The following NEGR1 variants were observed in gnomAD, a reference collection of about 807,000 sequenced individuals.
NEGR1 encodes the protein IgLON family member 4.
In NEGR1, 10 loss-of-function variants were observed where a neutral mutation model predicts 40.9. The ratio of observed to expected loss-of-function variants is 0.24; its 90% CI spans 0.15 to 0.42. The LOEUF (loss-of-function observed/expected upper bound fraction) is 0.42. Among genes scored for constraint, NEGR1 ranks in the 10% least tolerant of loss-of-function variants. The pLI, the probability that NEGR1 is intolerant of heterozygous loss-of-function variation, is 1.00. For missense variants in NEGR1, 352 were observed against 438.9 expected (o/e 0.80, Z 1.77); for synonymous variants, 185 against 166.8 (o/e 1.11, Z -0.84).
intron 1 of NEGR1, among the ~76,000 whole-genome samples, chr1:72,060,393 C>T (rs2100492463): frequency 6.6e-6 from 1 of 151,702 alleles, no homozygotes; most frequent in Middle Eastern, 3.4e-3. Flanking sequence ...ATTGATGAAC[C>T]TTAGCTGTAT....
In NEGR1 at chr1:72,209,977, A is replaced by T. The variant is rs577290373; in HGVS notation, c.176+72342T>A. Among the ~76,000 whole-genome samples the T allele has an allele frequency of 1.2e-4, 18 of 151,984 alleles. No individual in the cohort carries two copies. The South Asian group carries it at 2.9e-3, about 25-fold the overall frequency. ...TTTCATATTTATTGAATTGCATTTG[A>T]TTTTTTAGACTCATTATTCACTTGT... On this transcript the variant is annotated intron_variant, in intron 1 of 6. Transcript: ENST00000357731.
chr1:71,929,761 T>C (rs1232181124), intron 2 of NEGR1, among the ~76,000 whole-genome samples: 1 of 152,032 alleles, frequency 6.6e-6, no homozygotes, highest in Non-Finnish European at 1.5e-5. Flanking sequence ...TTTGGTCTTT[T>C]GGGAAAAGCA....
chr1:72,045,570 C>T (rs918117138), intron 1 of NEGR1, among the ~76,000 whole-genome samples: 1 of 151,686 alleles, frequency 6.6e-6, no homozygotes, highest in East Asian at 1.9e-4. Flanking sequence ...TCTCTTTTTG[C>T]CTGGTGCCAT....
At chr1:71,686,037 CT>C (rs11336336) in intron 4 of NEGR1, among the ~76,000 whole-genome samples, 148,879 of 151,422 alleles carry the variant, frequency 0.98, 73,228 homozygotes, top group Middle Eastern at 1. Flanking sequence ...GACTCATAGA[CT>C]TTTTTTTTTC....
chr1:71,565,021 T>C (rs1231322571), intron 6 of NEGR1, among the ~76,000 whole-genome samples: 1 of 152,028 alleles, frequency 6.6e-6, no homozygotes, highest in African/African-American at 2.4e-5. Context: ...GTACACAAAT[T>C]TTGCATGATA....
At chr1:71,487,669 G>T (rs1017399786) in intron 6 of NEGR1, among the ~76,000 whole-genome samples, 4 of 151,688 alleles carry the variant, frequency 2.6e-5, no homozygotes, top group African/African-American at 9.7e-5. Flanking sequence ...AGCTATGAAT[G>T]ATGAAGATTT....
At chr1:71,606,699 G>A (rs955565981) in intron 5 of NEGR1, among the ~76,000 whole-genome samples, 1 of 151,652 alleles carries the variant, frequency 6.6e-6, no homozygotes, top group Non-Finnish European at 1.5e-5. Flanking sequence ...ATTTCACAGA[G>A]GTCTGAACAG....
intron 2 of NEGR1, among the ~76,000 whole-genome samples, chr1:71,896,797 G>T (rs1321309110): frequency 6.6e-6 from 1 of 152,072 alleles, no homozygotes; most frequent in Non-Finnish European, 1.5e-5. Context: ...AACATTTGTT[G>T]AAAAGGCTAT....
chr1:71,586,418 T>C (rs1208586112), intron 6 of NEGR1, among the ~76,000 whole-genome samples: 1 of 152,202 alleles, frequency 6.6e-6, no homozygotes, highest in Non-Finnish European at 1.5e-5. Flanking sequence ...CAGTTTTATC[T>C]TTGTTATACA....
chr1:72,007,974 G>A (rs1646622838), intron 1 of NEGR1, among the ~76,000 whole-genome samples: 1 of 152,064 alleles, frequency 6.6e-6, no homozygotes, highest in African/African-American at 2.4e-5. Context: ...AGTATTAGAA[G>A]ACATATAATA....
intron 2 of NEGR1, among the ~76,000 whole-genome samples, chr1:71,807,420 C>A (rs960172493): frequency 6.6e-6 from 1 of 151,884 alleles, no homozygotes; most frequent in African/African-American, 2.4e-5. Flanking sequence ...CAATAAAACA[C>A]CCTGTGAAAA....
intron 6 of NEGR1, among the ~76,000 whole-genome samples, chr1:71,418,315 TTA>T (rs1646370107): frequency 6.6e-6 from 1 of 151,004 alleles, no homozygotes. Context: ...TATTTATTTA[TTA>T]TATATATATT....
chr1:71,714,671 G>A (rs1440282179), intron 3 of NEGR1, among the ~76,000 whole-genome samples: 1 of 152,168 alleles, frequency 6.6e-6, no homozygotes, highest in Non-Finnish European at 1.5e-5. Flanking sequence ...AAACCTTAAA[G>A]TTCCAAAATG....
intron 2 of NEGR1, among the ~76,000 whole-genome samples, chr1:71,930,492 C>T (rs1228916166): frequency 1.3e-5 from 2 of 152,088 alleles, no homozygotes; most frequent in Admixed American, 6.6e-5. Context: ...TGACTGCATC[C>T]TACTCTTCTC....
intron 1 of NEGR1, among the ~76,000 whole-genome samples, chr1:72,109,965 C>G (rs941840709): frequency 6.6e-6 from 1 of 151,460 alleles, no homozygotes; most frequent in Non-Finnish European, 1.5e-5. Flanking sequence ...CACAGCTGTT[C>G]CTATTTAGGA....
chr1:72,183,885 T>C (rs1195711399), intron 1 of NEGR1, among the ~76,000 whole-genome samples: 1 of 152,066 alleles, frequency 6.6e-6, no homozygotes, highest in Non-Finnish European at 1.5e-5. Flanking sequence ...AATATTTTTT[T>C]AATGGAAAAT....
intron 1 of NEGR1, among the ~76,000 whole-genome samples, chr1:72,154,516 C>T (rs753245150): frequency 6.6e-6 from 1 of 151,802 alleles, no homozygotes; most frequent in Non-Finnish European, 1.5e-5. Context: ...TGAATGAGAA[C>T]GATTCTAGGA....
At chr1:72,138,013 A>C (rs905742401) in intron 1 of NEGR1, among the ~76,000 whole-genome samples, 2 of 152,126 alleles carry the variant, frequency 1.3e-5, no homozygotes, top group Non-Finnish European at 2.9e-5. Flanking sequence ...GAAAGGCTGA[A>C]AGAATTCACC....
intron 1 of NEGR1, among the ~76,000 whole-genome samples, chr1:72,206,975 AC>A (rs1653426405): frequency 6.6e-6 from 1 of 151,778 alleles, no homozygotes; most frequent in African/African-American, 2.4e-5. Context: ...AAGAAGGGGT[AC>A]TTTTTGAAAG....
Sources: allele counts gnomAD v4.1 joint callset (sites outside exome capture counted in the v4.1 genomes callset), GRCh38; gene constraint gnomAD v4.1.1; transcripts MANE v1.5; gene names NCBI Gene and HGNC (gene_info 2026-07-23, HGNC 2026-07-21).